The following SLC44A5 variants were observed in gnomAD, a reference collection of about 807,000 sequenced individuals.
SLC44A5 encodes the protein solute carrier family 44 member 5, also known as choline transporter-like protein 5.
A neutral mutation model predicts 101.8 loss-of-function variants in SLC44A5; 57 were observed. The observed-to-expected ratio is 0.56, with a 90% confidence interval of 0.45 to 0.70. The LOEUF is 0.70. SLC44A5 is among the 30% of genes least tolerant of loss of function. The pLI is 0.00. For missense variants in SLC44A5, 737 were observed against 853.1 expected (o/e 0.86, Z 1.70); for synonymous variants, 281 against 290.9 (o/e 0.97, Z 0.35).
chr1:75,293,691 G>A (rs1165532055), intron 5 of SLC44A5, among the ~76,000 whole-genome samples: 5 of 152,148 alleles, frequency 3.3e-5, no homozygotes, highest in African/African-American at 9.7e-5. Context: ...TAAGAAAAAT[G>A]TTGTTTGTCA....
intron 3 of SLC44A5, among the ~76,000 whole-genome samples, chr1:75,375,593 ATATCACTTTTC>A (rs1331831566): frequency 6.7e-6 from 1 of 150,050 alleles, no homozygotes; most frequent in African/African-American, 2.5e-5. Context: ...GAAAAGGGTC[ATATCACTTTTC>A]TATCACTGTT....
chr1:75,690,113 C>T, the SLC44A5 span, among the ~76,000 whole-genome samples: 1 of 152,148 alleles, frequency 6.6e-6, no homozygotes, highest in Non-Finnish European at 1.5e-5. Flanking sequence ...CATCCTCACA[C>T]TGCTATAAAG....
At chr1:75,671,423 T>C in the SLC44A5 span, among the ~76,000 whole-genome samples, 1 of 147,112 alleles carries the variant, frequency 6.8e-6, no homozygotes, top group Non-Finnish European at 1.5e-5. Context: ...AATATACGCA[T>C]CCAGGAGTTA....
At chr1:75,535,836 C>T (rs143325467) in intron 2 of SLC44A5, among the ~76,000 whole-genome samples, 3 of 152,186 alleles carry the variant, frequency 2.0e-5, no homozygotes, top group African/African-American at 7.2e-5. Context: ...ACTCACTCAG[C>T]AGAAACATTT....
intron 1 of SLC44A5, chr1:75,582,635 G>A (rs1673763974): frequency 4.2e-6 from 1 of 236,342 alleles, no homozygotes; most frequent in Non-Finnish European, 8.1e-6. Flanking sequence ...GCATAGGGCT[G>A]GTGTCCTCCT....
the SLC44A5 span, among the ~76,000 whole-genome samples, chr1:75,648,044 C>A: frequency 6.6e-6 from 1 of 152,118 alleles, no homozygotes; most frequent in Non-Finnish European, 1.5e-5. Context: ...GTTTCCCCAC[C>A]CAAATCTCAT....
At chr1:75,384,309 C>G (rs1661137325) in intron 3 of SLC44A5, among the ~76,000 whole-genome samples, 4 of 150,544 alleles carry the variant, frequency 2.7e-5, no homozygotes, top group Non-Finnish European at 5.9e-5. Context: ...ATTCAGGAAA[C>G]CCATCTCACG....
chr1:75,633,222 T>C, the SLC44A5 span, among the ~76,000 whole-genome samples: 1 of 152,214 alleles, frequency 6.6e-6, no homozygotes, highest in African/African-American at 2.4e-5. Flanking sequence ...TGGTTCCATA[T>C]GAACTTTAAA....
chr1:75,225,949 A>G, intron 13 of SLC44A5, among the ~76,000 whole-genome samples: 1 of 152,190 alleles, frequency 6.6e-6, no homozygotes, highest in South Asian at 2.1e-4. Context: ...AGATCCATCC[A>G]AGAGTAAAAC....
At chr1:75,547,030 T>G (rs991782446) in intron 1 of SLC44A5, among the ~76,000 whole-genome samples, 4 of 152,062 alleles carry the variant, frequency 2.6e-5, no homozygotes, top group Non-Finnish European at 5.9e-5. Context: ...GAAAGAATAA[T>G]GAAATCATTC....
intron 2 of SLC44A5, among the ~76,000 whole-genome samples, chr1:75,479,035 A>G (rs1667631863): frequency 6.6e-6 from 1 of 152,228 alleles, no homozygotes; most frequent in South Asian, 2.1e-4. Flanking sequence ...AAAGAACAGA[A>G]ATTATAAGAA....
intron 3 of SLC44A5, among the ~76,000 whole-genome samples, chr1:75,358,204 T>C (rs2101101519): frequency 6.6e-6 from 1 of 152,230 alleles, no homozygotes; most frequent in African/African-American, 2.4e-5. Flanking sequence ...GTTTTTCCAG[T>C]AGATACCTCA....
chr1:75,219,445 TA>T (rs1008425154), intron 15 of SLC44A5, 101 bp from the exon 16 acceptor site: 12 of 788,392 alleles, frequency 1.5e-5, no homozygotes, highest in Middle Eastern at 2.3e-4. Context: ...GAAATTAACT[TA>T]AAAAATGCCT....
At chr1:75,576,023 G>C (rs1353754750) in intron 1 of SLC44A5, among the ~76,000 whole-genome samples, 1 of 151,660 alleles carries the variant, frequency 6.6e-6, no homozygotes, top group Non-Finnish European at 1.5e-5. Flanking sequence ...GAGAACGGTT[G>C]TCACAAGCTA....
chr1:75,468,174 T>G (rs1446515716), intron 2 of SLC44A5, among the ~76,000 whole-genome samples: 1 of 151,940 alleles, frequency 6.6e-6, no homozygotes, highest in Non-Finnish European at 1.5e-5. Flanking sequence ...CAAAAACAAA[T>G]GCTGGAAAGG....
intron 1 of SLC44A5, among the ~76,000 whole-genome samples, chr1:75,607,426 T>G (rs1675385033): frequency 1.3e-5 from 2 of 152,080 alleles, no homozygotes; most frequent in Non-Finnish European, 2.9e-5. Flanking sequence ...TATAAGCAAC[T>G]TTTTATTTTA....
chr1:75,639,703 C>G, the SLC44A5 span, among the ~76,000 whole-genome samples: 1 of 152,132 alleles, frequency 6.6e-6, no homozygotes, highest in African/African-American at 2.4e-5. Context: ...TTCACAGTTG[C>G]AGTTGAATTA....
At chr1:75,623,968 A>G in the SLC44A5 span, among the ~76,000 whole-genome samples, 1 of 152,294 alleles carries the variant, frequency 6.6e-6, no homozygotes, top group Middle Eastern at 3.4e-3. Context: ...TCTAAATACC[A>G]TCATTCACTA....
In SLC44A5 at chr1:75,258,630, G is replaced by C. The variant is rs114959053; in HGVS notation, c.261-7336C>G. 1.6e-4 allele frequency among the ~76,000 whole-genome samples: 24 copies of C among 152,254 alleles called. No homozygotes were observed. In the East Asian group the frequency reaches 4.6e-3, roughly 29 times the overall value. On this transcript the variant is annotated intron_variant, in intron 6 of 23. Coordinates refer to ENST00000370859, the MANE Select transcript of SLC44A5 (RefSeq NM_001130058.2). ...GCAGACTTAAAAGTCCCTGCTGGCA[G>C]CTCTGAAGAGAGCAGCAGATCTCCC...
Sources: gnomAD v4.1 joint callset for allele counts (sites outside exome capture counted in the v4.1 genomes callset) on GRCh38, gnomAD v4.1.1 for gene constraint, MANE v1.5 for transcripts, NCBI Gene and HGNC (gene_info 2026-07-23, HGNC 2026-07-21) for gene names.